Variants in PCDH9 observed in about 807,000 individuals in gnomAD.
PCDH9 encodes the protein protocadherin-9.
A neutral mutation model predicts 70.6 loss-of-function variants in PCDH9; 24 were observed. The observed-to-expected ratio is 0.34, with a 90% CI of 0.25 to 0.48. The LOEUF (loss-of-function observed/expected upper bound fraction) is 0.48, where lower values mean the gene tolerates loss of function less well. Ranked by LOEUF, PCDH9 falls within the 20% of genes least tolerant of loss-of-function variation. PCDH9 has a pLI of 0.99. For synonymous variants in PCDH9, 562 were observed against 558.5 expected (o/e 1.01, Z -0.09); for missense variants, 1,281 against 1,503.6 (o/e 0.85, Z 2.45).
intron 3 of PCDH9, among the ~76,000 whole-genome samples, chr13:66,774,945 T>C (rs1331821567): frequency 6.6e-6 from 1 of 152,214 alleles, no homozygotes; most frequent in Non-Finnish European, 1.5e-5. Flanking sequence ...TCATTTGATT[T>C]AATTTGGATA....
At position 67,225,948 on chromosome 13, in the gene PCDH9, G is replaced by C. The variant is rs775323783; in HGVS notation, c.2493C>G (p.Phe831Leu). The change falls in exon 2 of 5, where the codon TTC (phenylalanine) becomes TTG (leucine). Residue 831 changes from phenylalanine (F) to leucine (L), a missense_variant. Around this residue, in one of 4 missense-constraint regions of PCDH9, gnomAD observed 207 missense variants for 191.8 expected, o/e 1.08. Coordinates refer to ENST00000377865, the MANE Select transcript of PCDH9 (RefSeq NM_203487.3). ...GGCGACAGCGCACCAGAACGGTGAC[G>C]AAGATCACAACAATGACCACCATGG... ...AGAMVVIVVI[F>L]VTVLVRCRHA... 1.9e-6 allele frequency: 3 copies of C among 1,613,968 alleles called. No individual in the cohort carries two copies. The African/African-American group carries it at 4.0e-5, about 22-fold the overall frequency.
At chr13:66,494,592 C>A (rs913602521) in intron 4 of PCDH9, among the ~76,000 whole-genome samples, 5 of 152,080 alleles carry the variant, frequency 3.3e-5, no homozygotes, top group African/African-American at 1.2e-4. Flanking sequence ...TCTCTCCATA[C>A]CCCCACCATT....
intron 4 of PCDH9, among the ~76,000 whole-genome samples, chr13:66,537,969 T>A (rs1960778461): frequency 6.6e-6 from 1 of 152,112 alleles, no homozygotes; most frequent in African/African-American, 2.4e-5. Flanking sequence ...TCTTTTTATG[T>A]TTTTAAGGCC....
intron 2 of PCDH9, among the ~76,000 whole-genome samples, chr13:66,988,731 T>C (rs139848480): frequency 2.0e-5 from 3 of 152,112 alleles, no homozygotes; most frequent in African/African-American, 7.2e-5. Flanking sequence ...TCATCTATTC[T>C]TATTTATTTT....
chr13:67,226,569 A>T lies in PCDH9; in HGVS notation c.1872T>A (p.Ser624=). The T allele has an allele frequency of 6.2e-7, 1 of 1,613,738 alleles. No homozygotes were observed. The highest frequency in any genetic ancestry group is 2.2e-5 in the East Asian group (1 of 44,880). Residue 624 remains serine, a synonymous_variant, in exon 2 of 5, where the codon TCT becomes TCA. Transcript: ENST00000377865. The surrounding 1 kb of genome is among the most constrained non-coding windows in gnomAD (Gnocchi z 5.0). ...ATGAGACATTTGACTTTATGACTCC[A>T]GAATAGGGATCCAACACAAAATTAT... is the stretch of plus-strand genomic sequence containing the variant. ...DNDNFVLDPY[S]GVIKSNVSFD...
intron 2 of PCDH9, among the ~76,000 whole-genome samples, chr13:67,000,666 T>C (rs2084225694): frequency 6.6e-6 from 1 of 152,164 alleles, no homozygotes; most frequent in Non-Finnish European, 1.5e-5. Flanking sequence ...TCATTCCTAT[T>C]CTTCAATCAC....
chr13:66,773,308 G>A (rs901948422), intron 3 of PCDH9, among the ~76,000 whole-genome samples: 22 of 152,120 alleles, frequency 1.4e-4, no homozygotes, highest in Admixed American at 3.9e-4. Context: ...AAAAGTGCCT[G>A]GTCTCATTAA....
At chr13:67,220,011 G>A (rs1242069364) in intron 2 of PCDH9, 2 of 151,768 alleles carry the variant, frequency 1.3e-5, no homozygotes, top group East Asian at 1.9e-4. Flanking sequence ...GTCAAACTGA[G>A]AAGTATTGTA....
chr13:66,829,458 G>A (rs546241933), intron 3 of PCDH9, among the ~76,000 whole-genome samples: 5 of 152,106 alleles, frequency 3.3e-5, no homozygotes, highest in African/African-American at 9.6e-5. Context: ...TTGGGAGAGG[G>A]GTTGACTACA....
chr13:67,228,632 A>T (rs2089941246), intron 1 of PCDH9, 57 bp from the exon 2 acceptor site: 1 of 434,812 alleles, frequency 2.3e-6, no homozygotes, highest in Non-Finnish European at 4.1e-6. Context: ...ACACACCGTC[A>T]CAAAATATCA....
chr13:66,483,145 G>A (rs767632584), intron 4 of PCDH9, among the ~76,000 whole-genome samples: 15 of 152,120 alleles, frequency 9.9e-5, no homozygotes, highest in East Asian at 3.9e-4. Context: ...TTAATTCATC[G>A]GAACTGCGCA....
Position 66,522,493 on chromosome 13 carries a change from T to G in PCDH9, c.3340+108717A>C, listed in dbSNP as rs1372355972. 2.6e-5 allele frequency among the ~76,000 whole-genome samples: 4 copies of G among 152,056 alleles called. No individual in the cohort carries two copies. The East Asian group carries it at 5.8e-4, about 22-fold the overall frequency. Reference sequence around the variant, plus strand: ...CTGTCACATAGCTTATGCGTATCAGTAGGAGGTTGAATGATGTTACCCCAA... The same window carrying G: ...CTGTCACATAGCTTATGCGTATCAGGAGGAGGTTGAATGATGTTACCCCAA... On this transcript the variant is annotated intron_variant, in intron 4 of 4. Coordinates refer to ENST00000377865, the MANE Select transcript of PCDH9 (RefSeq NM_203487.3).
chr13:66,550,865 G>T (rs1195040891), intron 4 of PCDH9, among the ~76,000 whole-genome samples: 2 of 152,126 alleles, frequency 1.3e-5, no homozygotes, highest in Non-Finnish European at 2.9e-5. Flanking sequence ...ACGCTAGAGA[G>T]ACATTGTAAA....
At chr13:66,980,824 A>G (rs1033732666) in intron 2 of PCDH9, among the ~76,000 whole-genome samples, 5 of 148,862 alleles carry the variant, frequency 3.4e-5, no homozygotes, top group African/African-American at 9.9e-5. Flanking sequence ...TGTCAAATAA[A>G]CAAATATCCT....
At chr13:66,417,623 C>G (rs1161400248) in intron 4 of PCDH9, among the ~76,000 whole-genome samples, 1 of 152,190 alleles carries the variant, frequency 6.6e-6, no homozygotes, top group Non-Finnish European at 1.5e-5. Context: ...ACACTCCCCC[C>G]AACAGTGTAA....
chr13:67,166,636 A>C (rs1263574575), intron 2 of PCDH9, among the ~76,000 whole-genome samples: 1 of 152,180 alleles, frequency 6.6e-6, no homozygotes, highest in Admixed American at 6.5e-5. Flanking sequence ...ATAAGGCTTG[A>C]TCAGTAAAAA....
intron 2 of PCDH9, among the ~76,000 whole-genome samples, chr13:67,170,277 C>A (rs982660540): frequency 2.6e-5 from 4 of 152,150 alleles, no homozygotes; most frequent in Non-Finnish European, 4.4e-5. Context: ...AAAGAAATGG[C>A]AGCTCATATA....
chr13:67,105,611 C>T (rs571764897), intron 2 of PCDH9, among the ~76,000 whole-genome samples: 42 of 152,118 alleles, frequency 2.8e-4, no homozygotes, highest in African/African-American at 9.9e-4. Context: ...AATGATGCAG[C>T]ATCTTTTTAA....
chr13:67,096,325 T>C (rs2086319511), intron 2 of PCDH9, among the ~76,000 whole-genome samples: 1 of 152,198 alleles, frequency 6.6e-6, no homozygotes, highest in Non-Finnish European at 1.5e-5. Flanking sequence ...TACTACTAAG[T>C]CATTTGAAAT....
Sources: gnomAD v4.1 joint callset for allele counts (sites outside exome capture counted in the v4.1 genomes callset) on GRCh38, gnomAD v4.1.1 for gene constraint, gnomAD v4.1.1 regional missense constraint, Gnocchi (gnomAD v3.1) non-coding constraint, MANE v1.5 for transcripts, NCBI Gene and HGNC (gene_info 2026-07-23, HGNC 2026-07-21) for gene names.